Variants in YAF2 observed in about 807,000 individuals in gnomAD.
YAF2 encodes YY1 associated factor 2, also known as YY1-associated factor 2.
YAF2 carries 7 observed loss-of-function variants against 20.1 expected under a neutral mutation model. That is an observed-to-expected ratio of 0.35 (90% CI 0.20 to 0.65). The LOEUF is 0.65. Ranked by LOEUF, YAF2 falls within the 30% of genes least tolerant of loss-of-function variation. YAF2 has a pLI of 0.69. For missense variants in YAF2, 151 were observed against 219.2 expected, an observed-to-expected ratio of 0.69 and a Z score of 1.96; for synonymous variants, 74 against 76.0, an observed-to-expected ratio of 0.97 and a Z score of 0.14.
At chr12:42,235,593 G>A in intron 2 of YAF2, 2 of 1,439,160 alleles carry the variant, frequency 1.4e-6, no homozygotes, top group Non-Finnish European at 1.8e-6. Flanking sequence ...AGCTGAGAGG[G>A]TCGTGGTGTA....
chr12:42,237,764 C>T (rs770489706), intron 1 of YAF2, 40 bp from the exon 2 acceptor site: 1 of 1,406,352 alleles, frequency 7.1e-7, no homozygotes, highest in Admixed American at 3.0e-5. Flanking sequence ...CGCGGGGTCA[C>T]CAGCAGGCCG....
At chr12:42,202,769 G>A (rs2066934590) in intron 2 of YAF2, among the ~76,000 whole-genome samples, 1 of 152,094 alleles carries the variant, frequency 6.6e-6, no homozygotes, top group Non-Finnish European at 1.5e-5. Flanking sequence ...CTCCCAAGTA[G>A]CTGGGATTAC....
rs957548728 is a variant in YAF2, at chr12:42,161,016, A to C, written c.306-190T>G. The C allele has an allele frequency of 1.1e-5, 6 of 553,544 alleles. No homozygotes were observed. In the Admixed American group the frequency reaches 1.8e-4, roughly 17 times the overall value. The allele number at this position is 553,544 out of a possible 1,614,324, so 34.3% of individuals were successfully genotyped here. On this transcript the variant is annotated intron_variant, in intron 3 of 3. Coordinates refer to ENST00000534854, the MANE Select transcript of YAF2 (RefSeq NM_005748.6). The stretch of plus-strand genomic sequence containing the variant: ...ACATTAATCAAACCAATCATTCATG[A>C]ACATTCTTCAATGCAACCAAAAAAC...
At chr12:42,220,239 T>A (rs1277954258) in intron 2 of YAF2, among the ~76,000 whole-genome samples, 1 of 152,226 alleles carries the variant, frequency 6.6e-6, no homozygotes, top group African/African-American at 2.4e-5. Context: ...AATGATAATA[T>A]GAAAATAATC....
intron 2 of YAF2, among the ~76,000 whole-genome samples, chr12:42,194,481 T>A (rs1408619046): frequency 6.6e-6 from 1 of 152,000 alleles, no homozygotes; most frequent in East Asian, 1.9e-4. Flanking sequence ...CCGTCTCTAC[T>A]AAAAAAACAA....
chr12:42,179,508 C>T (rs912855608), intron 2 of YAF2, among the ~76,000 whole-genome samples: 11 of 152,280 alleles, frequency 7.2e-5, no homozygotes, highest in African/African-American at 2.2e-4. Flanking sequence ...GAACCAGTGA[C>T]TGAAACACAT....
chr12:42,211,531 G>A (rs1291017167), intron 2 of YAF2, among the ~76,000 whole-genome samples: 1 of 151,302 alleles, frequency 6.6e-6, no homozygotes, highest in African/African-American at 2.4e-5. Flanking sequence ...GAGGTTGGGA[G>A]TTCAAGACCA....
At chr12:42,210,323 A>T in intron 2 of YAF2, 3 of 1,442,118 alleles carry the variant, frequency 2.1e-6, no homozygotes, top group Non-Finnish European at 2.8e-6. Flanking sequence ...GGGGAAAAAA[A>T]ATCTCAGGTT....
In YAF2 at chr12:42,206,536, G is replaced by T. The variant is rs762768516; in HGVS notation, c.152+31063C>A. Among the ~76,000 whole-genome samples, 24 of 151,914 alleles carry T rather than the reference G, an allele frequency of 1.6e-4. 1 individual carries two copies. The highest frequency in any genetic ancestry group is 2.4e-4 in the Non-Finnish European group (16 of 67,972). ...AGGCTGGAGAATCGCTTGAACCCAG[G>T]GGGTGGAGGTTGAAGTGAGCCGAGA... On this transcript the variant is annotated intron_variant, in intron 2 of 3. Transcript: ENST00000534854.
intron 2 of YAF2, among the ~76,000 whole-genome samples, chr12:42,180,262 A>T (rs1273016064): frequency 6.6e-6 from 1 of 152,190 alleles, no homozygotes; most frequent in African/African-American, 2.4e-5. Flanking sequence ...AAAACACTCT[A>T]GCTTCTACCC....
intron 1 of YAF2, chr12:42,237,927 G>T: frequency 4.5e-6 from 2 of 441,612 alleles, no homozygotes; most frequent in Non-Finnish European, 6.2e-6. Flanking sequence ...AGTCGCCGCC[G>T]CCACAGCCGC....
At chr12:42,228,490 G>GC (rs1246467739) in intron 2 of YAF2, among the ~76,000 whole-genome samples, 1 of 35,382 alleles carries the variant, frequency 2.8e-5, no homozygotes, top group Non-Finnish European at 4.6e-5. Context: ...GGGGGGGTCA[G>GC]CCCCCCCGCC....
At chr12:42,197,235 C>A (rs1271484444) in intron 2 of YAF2, among the ~76,000 whole-genome samples, 1 of 152,168 alleles carries the variant, frequency 6.6e-6, no homozygotes, top group African/African-American at 2.4e-5. Flanking sequence ...ACGTGCTGCC[C>A]AGTGTTCTTT....
intron 2 of YAF2, among the ~76,000 whole-genome samples, chr12:42,225,274 T>C (rs1325390012): frequency 2.0e-5 from 3 of 152,242 alleles, no homozygotes; most frequent in Non-Finnish European, 4.4e-5. Context: ...CTTTGTCAGA[T>C]GGACAGATGG....
intron 2 of YAF2, among the ~76,000 whole-genome samples, chr12:42,221,513 C>G (rs1716771851): frequency 6.6e-6 from 1 of 152,042 alleles, no homozygotes; most frequent in Admixed American, 6.6e-5. Flanking sequence ...AAGCTATGAT[C>G]GCACCACTGC....
At chr12:42,229,872 C>G (rs2137403615) in intron 2 of YAF2, among the ~76,000 whole-genome samples, 1 of 152,328 alleles carries the variant, frequency 6.6e-6, no homozygotes, top group South Asian at 2.1e-4. Context: ...TGGTCCCCCA[C>G]TCACCAAAAA....
At chr12:42,228,456 C>T (rs1592058330) in intron 2 of YAF2, among the ~76,000 whole-genome samples, 1 of 48,772 alleles carries the variant, frequency 2.1e-5, no homozygotes, top group Non-Finnish European at 3.5e-5. Flanking sequence ...TGGCCAGCCG[C>T]CCCGTCCGGG....
At chr12:42,207,615 G>A (rs1343051842) in intron 2 of YAF2, among the ~76,000 whole-genome samples, 1 of 152,116 alleles carries the variant, frequency 6.6e-6, no homozygotes, top group Non-Finnish European at 1.5e-5. Flanking sequence ...AGTGTAGGCT[G>A]GGCACGGTGG....
intron 2 of YAF2, chr12:42,233,308 T>G (rs2068037603): frequency 1.0e-6 from 1 of 985,394 alleles, no homozygotes; most frequent in Non-Finnish European, 1.2e-6. Context: ...TATGAACCAT[T>G]TAGACCACAG....
Sources: allele counts gnomAD v4.1 joint callset (sites outside exome capture counted in the v4.1 genomes callset), GRCh38; gene constraint gnomAD v4.1.1; transcripts MANE v1.5; gene names NCBI Gene and HGNC (gene_info 2026-07-23, HGNC 2026-07-21).